WWC2: variants seen among roughly 807,000 people sequenced by gnomAD.
WWC2 encodes the protein protein WWC2.
Under a neutral mutation model 138.5 loss-of-function variants are expected in WWC2, and 101 were observed. The ratio of observed to expected loss-of-function variants is 0.73; its 90% CI spans 0.62 to 0.86. WWC2 has a LOEUF of 0.86. WWC2 is among the 40% of genes least tolerant of loss of function. The pLI is 0.00. For missense variants in WWC2, 1,420 were observed against 1,419.4 expected (o/e 1.00, Z -0.01); for synonymous variants, 558 against 538.4 (o/e 1.04, Z -0.50).
intron 21 of WWC2, among the ~76,000 whole-genome samples, chr4:183,295,039 C>T (rs190023436): frequency 2.8e-4 from 43 of 151,962 alleles, no homozygotes; most frequent in African/African-American, 1.0e-3. Context: ...ATGATTTGTC[C>T]TTTAATGAGC....
At chr4:183,264,286 G>A (rs78720762) in intron 11 of WWC2, among the ~76,000 whole-genome samples, 2,114 of 152,292 alleles carry the variant, frequency 0.014, 54 homozygotes, top group African/African-American at 0.047. Context: ...ACTCACTGGA[G>A]GATGAAAGAG....
intron 1 of WWC2, among the ~76,000 whole-genome samples, chr4:183,145,834 T>A (rs747494766): frequency 9.2e-5 from 14 of 152,242 alleles, no homozygotes; most frequent in Non-Finnish European, 1.8e-4. Flanking sequence ...TCATGAAATC[T>A]TCTTCTGTAA....
chr4:183,099,724 C>T (rs1056621377), intron 1 of WWC2, 102 bp downstream of exon 1: 3 of 1,095,900 alleles, frequency 2.7e-6, no homozygotes, highest in Non-Finnish European at 3.4e-6. Flanking sequence ...CCCGCGGTGC[C>T]CCGAGGGGTC....
chr4:183,226,095 C>CTTTTTTTTTTT (rs11321151), intron 4 of WWC2, among the ~76,000 whole-genome samples: 21 of 113,510 alleles, frequency 1.9e-4, no homozygotes, highest in Non-Finnish European at 2.5e-4. Flanking sequence ...CTTTTCTTTT[C>CTTTTTTTTTTT]TTTTTTTTTT....
intron 15 of WWC2, among the ~76,000 whole-genome samples, chr4:183,270,473 G>A (rs1232110676): frequency 1.3e-5 from 2 of 151,904 alleles, no homozygotes; most frequent in Non-Finnish European, 2.9e-5. Flanking sequence ...ATTATAAGAA[G>A]TACTATGAGG....
At chr4:183,312,705 G>T (rs548188660) in intron 22 of WWC2, among the ~76,000 whole-genome samples, 1 of 152,318 alleles carries the variant, frequency 6.6e-6, no homozygotes, top group Non-Finnish European at 1.5e-5. Flanking sequence ...GCTCTTAGTA[G>T]CTGTTAGCAC....
rs1174334485 is a variant in WWC2 at position 183,233,160 on chromosome 4, T to C, written c.523-7023T>C. On this transcript the variant is annotated intron_variant, in intron 4 of 22. Transcript: ENST00000403733. ...TTTCTTTTTAAACCTTTTTTTTTTT[T>C]TTTTTTTTTTTTTTGAGAGAAGTCT... is the stretch of plus-strand genomic sequence containing the variant. 4.6e-5 allele frequency among the ~76,000 whole-genome samples: 6 copies of C among 129,986 alleles called. No individual in the cohort carries two copies. The East Asian group carries it at 1.2e-3, about 26-fold the overall frequency. 85.3% of individuals were successfully genotyped at this position (129,986 alleles called of 152,430 possible).
intron 4 of WWC2, among the ~76,000 whole-genome samples, chr4:183,215,182 T>G (rs1279498495): frequency 6.6e-6 from 1 of 152,226 alleles, no homozygotes; most frequent in African/African-American, 2.4e-5. Flanking sequence ...ATTACGACAA[T>G]GACTAATAAT....
At chr4:183,124,035 T>A (rs1448580790) in intron 1 of WWC2, among the ~76,000 whole-genome samples, 2 of 152,212 alleles carry the variant, frequency 1.3e-5, no homozygotes, top group Non-Finnish European at 2.9e-5. Flanking sequence ...GAATTAAATA[T>A]GTTCCTTGCA....
intron 1 of WWC2, among the ~76,000 whole-genome samples, chr4:183,135,520 T>G (rs189815072): frequency 1.6e-4 from 25 of 152,172 alleles, no homozygotes; most frequent in Admixed American, 1.5e-3. Flanking sequence ...CCAATTTATA[T>G]GCTACTTTTG....
intron 1 of WWC2, among the ~76,000 whole-genome samples, chr4:183,103,331 C>CTTTT (rs772364256): frequency 1.2e-4 from 15 of 123,798 alleles, no homozygotes; most frequent in African/African-American, 4.1e-4. Flanking sequence ...TCTGTATTGT[C>CTTTT]TTTTTTTTTT....
At chr4:183,266,850 C>T (rs1442769437) in intron 14 of WWC2, among the ~76,000 whole-genome samples, 1 of 152,094 alleles carries the variant, frequency 6.6e-6, no homozygotes, top group Non-Finnish European at 1.5e-5. Flanking sequence ...AGAGTATATT[C>T]CTTAGTGATA....
intron 4 of WWC2, among the ~76,000 whole-genome samples, chr4:183,235,869 A>G (rs1007527990): frequency 5.9e-5 from 9 of 152,254 alleles, no homozygotes; most frequent in African/African-American, 2.2e-4. Flanking sequence ...ACCTATCATC[A>G]TAATCCAAAT....
chr4:183,181,062 A>G (rs1734619790), intron 1 of WWC2, among the ~76,000 whole-genome samples: 1 of 152,220 alleles, frequency 6.6e-6, no homozygotes, highest in African/African-American at 2.4e-5. Flanking sequence ...GAGAAATGTA[A>G]ACAAATGTAA....
At chr4:183,194,732 G>A (rs960554634) in intron 2 of WWC2, among the ~76,000 whole-genome samples, 2 of 152,152 alleles carry the variant, frequency 1.3e-5, no homozygotes, top group Non-Finnish European at 2.9e-5. Flanking sequence ...TCTTCCAGGC[G>A]GGTGAGGTGG....
chr4:183,305,888 T>A (rs1460518369), intron 21 of WWC2, among the ~76,000 whole-genome samples: 1 of 152,098 alleles, frequency 6.6e-6, no homozygotes, highest in African/African-American at 2.4e-5. Context: ...ATCACATAAA[T>A]AATTCTAAGT....
intron 14 of WWC2, among the ~76,000 whole-genome samples, chr4:183,267,032 T>G (rs964776431): frequency 6.6e-6 from 1 of 151,658 alleles, no homozygotes; most frequent in Non-Finnish European, 1.5e-5. Context: ...ATAGTGGCTT[T>G]CTTTTTTTTT....
intron 2 of WWC2, among the ~76,000 whole-genome samples, chr4:183,193,924 G>GTGCC (rs985447150): frequency 1.4e-3 from 215 of 152,238 alleles, no homozygotes; most frequent in African/African-American, 4.8e-3. Context: ...TCTGGCCCGT[G>GTGCC]TGCCTGCCTG....
intron 21 of WWC2, among the ~76,000 whole-genome samples, chr4:183,301,865 A>G (rs184774208): frequency 6.5e-4 from 99 of 152,242 alleles, no homozygotes; most frequent in African/African-American, 2.3e-3. Flanking sequence ...CCTTCCAGCT[A>G]TTTTTTTATG....
Sources: gnomAD v4.1 joint callset for allele counts (sites outside exome capture counted in the v4.1 genomes callset) on GRCh38, gnomAD v4.1.1 for gene constraint, MANE v1.5 for transcripts, NCBI Gene and HGNC (gene_info 2026-07-23, HGNC 2026-07-21) for gene names.